The following GOLGA1 variants were observed in gnomAD, a reference collection of about 807,000 sequenced individuals.
GOLGA1 encodes the protein golgin subfamily A member 1.
Under a neutral mutation model 119.7 loss-of-function variants are expected in GOLGA1, and 63 were observed. The observed-to-expected ratio is 0.53, with a 90% CI of 0.43 to 0.65. GOLGA1 has a LOEUF of 0.65. Ranked by LOEUF, GOLGA1 falls within the 30% of genes least tolerant of loss-of-function variation. The pLI, the probability that GOLGA1 is intolerant of heterozygous loss-of-function variation, is 0.00. For synonymous variants in GOLGA1, 318 were observed against 333.4 expected (o/e 0.95, Z 0.50); for missense variants, 798 against 912.8 (o/e 0.87, Z 1.62).
intron 7 of GOLGA1, among the ~76,000 whole-genome samples, chr9:124,925,981 A>G (rs1318492074): frequency 6.6e-6 from 1 of 152,148 alleles, no homozygotes; most frequent in Non-Finnish European, 1.5e-5. Flanking sequence ...AGAGGTTCTC[A>G]TATATGTTCA....
chr9:124,879,402 C>T lies in GOLGA1; in HGVS notation c.*1128G>A, dbSNP rs1309018738. On this transcript the variant is annotated 3_prime_UTR_variant, in exon 23 of 23. Transcript: ENST00000373555. ...TACAAGTGCTGCAGCCAGCTGGGCG[C>T]CGTCTGGGTGTAGTGTCATTTTAAG... is the stretch of plus-strand genomic sequence containing the variant. 3 of 152,024 alleles carry T rather than the reference C, an allele frequency of 2.0e-5. No individual in the cohort carries two copies. The highest frequency in any genetic ancestry group is 4.4e-5 in the Non-Finnish European group (3 of 68,028). 9.4% of individuals were successfully genotyped at this position (152,024 alleles called of 1,614,324 possible).
chr9:124,935,934 C>G (rs1374198202), intron 3 of GOLGA1, among the ~76,000 whole-genome samples: 1 of 151,990 alleles, frequency 6.6e-6, no homozygotes, highest in Admixed American at 6.6e-5. Context: ...CAATTTTGTT[C>G]ATTTAGAATT....
In GOLGA1 at chr9:124,881,988, C is replaced by A; in HGVS notation, c.1966-34G>T. On this transcript the variant is annotated intron_variant, in intron 20 of 22. Coordinates refer to ENST00000373555, the MANE Select transcript of GOLGA1 (RefSeq NM_002077.4). This position sits in a 1 kb window ranked among gnomAD's most constrained non-coding sequence, Gnocchi z 4.9. ...CCAGTGGGAAAGATGCTACACCGAA[C>A]CCTCTGAGACAGGTGGAAAAAATCA... 1.3e-6 allele frequency: 2 copies of A among 1,490,102 alleles called. No individual in the cohort carries two copies. The highest frequency in any genetic ancestry group is 1.8e-6 in the Non-Finnish European group (2 of 1,096,726). The allele number at this position is 1,490,102 out of a possible 1,614,324, so 92.3% of individuals were successfully genotyped here.
At chr9:124,938,525 T>C in intron 3 of GOLGA1, 52 bp downstream of exon 3, 5 of 1,435,116 alleles carry the variant, frequency 3.5e-6, no homozygotes, top group Middle Eastern at 2.0e-4. Context: ...AAAATATTTA[T>C]TGGAAGAATA....
rs1266865503 is a variant in GOLGA1, at chr9:124,926,704, CT to C, written c.432+4del. 1 of 1,571,770 alleles carries C rather than the reference CT, an allele frequency of 6.4e-7. No homozygotes were observed. The highest frequency in any genetic ancestry group is 1.4e-5 in the African/African-American group (1 of 73,994). The stretch of plus-strand genomic sequence containing the variant: ...AAAATGAGACAAAAATAAAGATGAA[CT>C]AACCTTTTCAAGCTGATCCATCTTT... On this transcript the variant is annotated splice_donor_region_variant and intron_variant, in intron 7 of 22. Transcript: ENST00000373555.
chr9:124,887,007 G>A (rs561740940), intron 19 of GOLGA1, among the ~76,000 whole-genome samples: 222 of 152,348 alleles, frequency 1.5e-3, no homozygotes, highest in African/African-American at 5.0e-3. Flanking sequence ...CTCCATGGCT[G>A]CAGGCAGGGA....
In GOLGA1 at chr9:124,896,616, C is replaced by T. The variant is rs1829992630; in HGVS notation, c.1407+1933G>A. ...GGCAGCCAGAGAAATCCTTTTAAAA[C>T]AAAACTTCTCACATCACTTATCTGC... On this transcript the variant is annotated intron_variant, in intron 15 of 22. Coordinates refer to ENST00000373555, the MANE Select transcript of GOLGA1 (RefSeq NM_002077.4). Among the ~76,000 whole-genome samples the T allele has an allele frequency of 2.0e-5, 3 of 152,150 alleles. No individual in the cohort carries two copies. The South Asian group carries it at 6.2e-4, about 32-fold the overall frequency.
rs1230469185 is a variant in GOLGA1 at position 124,946,559 on chromosome 9, T to G, written c.-156+1359A>C. 1.3e-5 allele frequency: 2 copies of G among 152,098 alleles called. No individual in the cohort carries two copies. Among genetic ancestry groups the G allele is most frequent in the African/African-American group, 4.8e-5 (2 of 41,444 alleles). 9.4% of individuals were successfully genotyped at this position (152,098 alleles called of 1,614,324 possible). ...GCAGTGAATGTATTTAAGTGTATAT[T>G]AAACATCTCCTACACTCTTTCATGC... On this transcript the variant is annotated intron_variant, in intron 1 of 4. Transcript: ENST00000421514. The surrounding 1 kb of genome is among the most constrained non-coding windows in gnomAD (Gnocchi z 4.0).
intron 15 of GOLGA1, among the ~76,000 whole-genome samples, chr9:124,891,765 C>T (rs556008552): frequency 2.6e-4 from 39 of 152,022 alleles, no homozygotes; most frequent in African/African-American, 8.0e-4. Context: ...CTGCCTCCCC[C>T]TCCCGAGTAG....
At chr9:124,929,635 T>C (rs1830738096) in intron 4 of GOLGA1, among the ~76,000 whole-genome samples, 1 of 152,136 alleles carries the variant, frequency 6.6e-6, no homozygotes, top group African/African-American at 2.4e-5. Context: ...TCCACTTCCT[T>C]TTCCGGTCTT....
At chr9:124,913,900 C>T (rs1279607059) in intron 10 of GOLGA1, among the ~76,000 whole-genome samples, 2 of 152,152 alleles carry the variant, frequency 1.3e-5, no homozygotes, top group African/African-American at 2.4e-5. Flanking sequence ...AATCATTCTG[C>T]ATAAAGGGCA....
rs1374324066 is a variant in GOLGA1 at position 124,879,333 on chromosome 9, A to G, written c.*1197T>C. 1 of 152,164 alleles carries G rather than the reference A, an allele frequency of 6.6e-6. No individual in the cohort carries two copies. Among genetic ancestry groups the G allele is most frequent in the East Asian group, 1.9e-4 (1 of 5,198 alleles). The allele number at this position is 152,164 out of a possible 1,614,324, so 9.4% of individuals were successfully genotyped here. On this transcript the variant is annotated 3_prime_UTR_variant, in exon 23 of 23. Transcript: ENST00000373555. ...CCTTTCCTCAGTAAACGAGGAATCC[A>G]TAAAACAAGTTTTTGTTGGTTACTA...
intron 12 of GOLGA1, among the ~76,000 whole-genome samples, chr9:124,904,312 T>C (rs916711879): frequency 2.6e-5 from 4 of 152,254 alleles, no homozygotes; most frequent in South Asian, 4.1e-4. Context: ...TTAATAAGTA[T>C]AGAGTTTCTG....
At chr9:124,922,870 A>G (rs1199681702) in intron 8 of GOLGA1, among the ~76,000 whole-genome samples, 2 of 152,158 alleles carry the variant, frequency 1.3e-5, no homozygotes, top group Admixed American at 1.3e-4. Flanking sequence ...AAAACAAAAC[A>G]AAACAAAACA....
At chr9:124,929,577 C>T (rs1396504899) in intron 4 of GOLGA1, among the ~76,000 whole-genome samples, 1 of 152,132 alleles carries the variant, frequency 6.6e-6, no homozygotes, top group Non-Finnish European at 1.5e-5. Context: ...AAATGTCCTG[C>T]TATGAAAAAC....
intron 5 of GOLGA1, among the ~76,000 whole-genome samples, chr9:124,928,773 T>C (rs187587692): frequency 2.3e-4 from 35 of 152,340 alleles, no homozygotes; most frequent in Admixed American, 2.0e-3. Context: ...TCTTGGATGG[T>C]ACCCAAAGAA....
chr9:124,929,005 A>T (rs1442204086), intron 5 of GOLGA1, among the ~76,000 whole-genome samples: 4 of 152,170 alleles, frequency 2.6e-5, no homozygotes, highest in Non-Finnish European at 5.9e-5. Context: ...ATAATGACCT[A>T]CTCCTAAGAG....
At chr9:124,929,939 T>C (rs1375779888) in intron 4 of GOLGA1, among the ~76,000 whole-genome samples, 1 of 152,184 alleles carries the variant, frequency 6.6e-6, no homozygotes, top group Non-Finnish European at 1.5e-5. Flanking sequence ...CTGGGGACCT[T>C]AAGCAAATTA....
In GOLGA1 at chr9:124,921,792, T is replaced by C. The variant is rs779330003; in HGVS notation, c.662A>G (p.Gln221Arg). 1.9e-6 allele frequency: 3 copies of C among 1,610,908 alleles called. No homozygotes were observed. Among genetic ancestry groups the C allele is most frequent in the Non-Finnish European group, 1.7e-6 (2 of 1,177,116 alleles). The change falls in exon 9 of 23, where the codon CAG becomes CGG. Residue 221 changes from glutamine (Q) to arginine (R), a missense_variant. By Grantham distance (43) the Gln-to-Arg change is conservative. Transcript: ENST00000373555. Reference sequence around the variant, plus strand: ...CTTCTGGCTTAAGTCTGATGACATCTGATTGGAGTTCATCAACTCCTCCTG... The same window carrying C: ...CTTCTGGCTTAAGTCTGATGACATCCGATTGGAGTTCATCAACTCCTCCTG... ...RTQEELMNSN[Q>R]MSSDLSQKLE...
Sources: gnomAD v4.1 joint callset for allele counts (sites outside exome capture counted in the v4.1 genomes callset) on GRCh38, gnomAD v4.1.1 for gene constraint, Gnocchi (gnomAD v3.1) non-coding constraint, MANE v1.5 for transcripts, NCBI Gene and HGNC (gene_info 2026-07-23, HGNC 2026-07-21) for gene names.